DYM: variants seen among roughly 807,000 people sequenced by gnomAD.
The protein encoded by DYM is dymeclin.
A neutral mutation model predicts 93.1 loss-of-function variants in DYM; 78 were observed. The ratio of observed to expected loss-of-function variants is 0.84; its 90% CI spans 0.70 to 1.01. The LOEUF is 1.01. DYM is among the 50% of genes least tolerant of loss of function. DYM has a pLI of 0.00. For synonymous variants in DYM, 321 were observed against 319.7 expected (o/e 1.00, Z -0.04); for missense variants, 789 against 845.0 (o/e 0.93, Z 0.82).
At chr18:49,389,352 A>G (rs964588863) in intron 3 of DYM, among the ~76,000 whole-genome samples, 5 of 152,106 alleles carry the variant, frequency 3.3e-5, no homozygotes, top group African/African-American at 1.2e-4. Flanking sequence ...ATATATATAA[A>G]TTTATATCTA....
In DYM at chr18:49,072,539, C is replaced by G. The variant is rs2076974897; in HGVS notation, c.2025+24863G>C. 2.0e-5 allele frequency among the ~76,000 whole-genome samples: 3 copies of G among 152,224 alleles called. No homozygotes were observed. In the South Asian group the frequency reaches 6.2e-4, roughly 32 times the overall value. On this transcript the variant is annotated intron_variant, in intron 17 of 17. Transcript: ENST00000675505. The stretch of plus-strand genomic sequence containing the variant: ...TCCCACAAAGACAAGAAGTAGTGAA[C>G]AGCAAAATAGAGTAAATGCTTTTCC...
chr18:49,260,438 A>C (rs1350885005), intron 11 of DYM, among the ~76,000 whole-genome samples: 1 of 152,226 alleles, frequency 6.6e-6, no homozygotes, highest in Non-Finnish European at 1.5e-5. Context: ...AGAAACTATA[A>C]GAGAAAAGTG....
intron 1 of DYM, among the ~76,000 whole-genome samples, chr18:49,448,814 A>G (rs74773568): frequency 0.092 from 13,968 of 152,262 alleles, 867 homozygotes; most frequent in East Asian, 0.31. Context: ...TTTAAAAAGC[A>G]GCTCATTTTC....
intron 6 of DYM, 46 bp from the exon 7 acceptor site, chr18:49,333,899 G>A (rs769877277): frequency 4.3e-5 from 67 of 1,557,308 alleles, no homozygotes; most frequent in Non-Finnish European, 6.2e-6. Context: ...GGAAGATTAA[G>A]ACACTATTCT....
intron 8 of DYM, among the ~76,000 whole-genome samples, chr18:49,317,658 T>TC (rs1365847360): frequency 0.013 from 670 of 49,894 alleles, 7 homozygotes; most frequent in African/African-American, 0.025. Context: ...CCTTCCTTCC[T>TC]TCCTTCCTTC....
At chr18:49,286,761 G>T in intron 8 of DYM, 145 bp from the exon 9 acceptor site, 1 of 781,196 alleles carries the variant, frequency 1.3e-6, no homozygotes, top group Non-Finnish European at 2.1e-6. Context: ...ATTTCACAAG[G>T]CCAGAAAATC....
intron 6 of DYM, among the ~76,000 whole-genome samples, chr18:49,352,561 A>C (rs1234885033): frequency 1.3e-5 from 2 of 151,856 alleles, no homozygotes; most frequent in African/African-American, 4.9e-5. Context: ...GAAACTAGGG[A>C]ACTTGAGAGG....
At position 49,448,850 on chromosome 18, in the gene DYM, C is replaced by A. The variant is rs1322460038; in HGVS notation, c.-54+11548G>T. Among the ~76,000 whole-genome samples the A allele has an allele frequency of 2.6e-5, 4 of 152,316 alleles. No individual in the cohort carries two copies. In the South Asian group the frequency reaches 6.2e-4, roughly 24 times the overall value. On this transcript the variant is annotated intron_variant, in intron 1 of 17. Coordinates refer to ENST00000675505, the MANE Select transcript of DYM (RefSeq NM_001353214.3). ...TTTTGCACAGGGCATGGCCTTTTTA[C>A]TAGACCTTTGCAAGCGTTACAGAAT...
intron 16 of DYM, among the ~76,000 whole-genome samples, chr18:49,111,506 G>C (rs190096917): frequency 2.0e-5 from 3 of 152,220 alleles, no homozygotes; most frequent in African/African-American, 7.2e-5. Context: ...ATAAATTAGG[G>C]CACATCTCTT....
At chr18:49,376,454 C>G (rs766661663) in intron 5 of DYM, among the ~76,000 whole-genome samples, 3 of 152,198 alleles carry the variant, frequency 2.0e-5, no homozygotes, top group Non-Finnish European at 2.9e-5. Context: ...CAAGCACAAA[C>G]TAGAGTCTGC....
At chr18:49,139,997 G>T (rs1307491196) in intron 15 of DYM, among the ~76,000 whole-genome samples, 7 of 151,974 alleles carry the variant, frequency 4.6e-5, no homozygotes, top group African/African-American at 9.7e-5. Context: ...TTTAATTTGC[G>T]TGCTTTTATA....
intron 2 of DYM, among the ~76,000 whole-genome samples, chr18:49,394,624 T>C (rs1159572357): frequency 3.9e-5 from 6 of 152,222 alleles, no homozygotes; most frequent in African/African-American, 9.6e-5. Context: ...TGAGATAGCA[T>C]AGACATTTTA....
intron 17 of DYM, among the ~76,000 whole-genome samples, chr18:49,051,905 T>C (rs1474394427): frequency 2.0e-5 from 3 of 152,200 alleles, no homozygotes; most frequent in Non-Finnish European, 4.4e-5. Flanking sequence ...ACACAGCCGT[T>C]ATTGGAAAAC....
intron 13 of DYM, among the ~76,000 whole-genome samples, chr18:49,221,797 C>G (rs1240435285): frequency 6.6e-6 from 1 of 151,920 alleles, no homozygotes; most frequent in Non-Finnish European, 1.5e-5. Flanking sequence ...AGGAGATATA[C>G]CTAATGCTAA....
At chr18:49,235,660 T>G (rs2093837430) in intron 13 of DYM, among the ~76,000 whole-genome samples, 1 of 151,952 alleles carries the variant, frequency 6.6e-6, no homozygotes, top group Non-Finnish European at 1.5e-5. Context: ...TCAGGGTCAG[T>G]AATTACTTAC....
At chr18:49,320,292 G>T (rs1184459792) in intron 8 of DYM, among the ~76,000 whole-genome samples, 6 of 151,960 alleles carry the variant, frequency 3.9e-5, no homozygotes, top group Non-Finnish European at 8.8e-5. Flanking sequence ...ATATAGAAAA[G>T]TCAAAAAACT....
chr18:49,222,424 A>T (rs2093397902), intron 13 of DYM, among the ~76,000 whole-genome samples: 1 of 152,186 alleles, frequency 6.6e-6, no homozygotes, highest in Non-Finnish European at 1.5e-5. Context: ...AATGTATTTA[A>T]TACAAATGAG....
chr18:49,052,060 C>A (rs950976872), intron 17 of DYM, among the ~76,000 whole-genome samples: 7 of 152,214 alleles, frequency 4.6e-5, no homozygotes, highest in African/African-American at 1.7e-4. Flanking sequence ...AAAGGGTAAT[C>A]GCACTCTGTT....
chr18:49,369,540 T>C (rs1018149223), intron 5 of DYM, among the ~76,000 whole-genome samples: 3 of 152,218 alleles, frequency 2.0e-5, no homozygotes, highest in Non-Finnish European at 4.4e-5. Context: ...CTTTCAGCTT[T>C]CACAGATCAG....
Sources: gnomAD v4.1 joint callset for allele counts (sites outside exome capture counted in the v4.1 genomes callset) on GRCh38, gnomAD v4.1.1 for gene constraint, MANE v1.5 for transcripts, NCBI Gene and HGNC (gene_info 2026-07-23, HGNC 2026-07-21) for gene names.